Variants in ATXN1 observed in about 807,000 individuals in gnomAD.
ATXN1 encodes the protein ataxin-1.
Under a neutral mutation model 56.4 loss-of-function variants are expected in ATXN1, and 8 were observed. The observed-to-expected ratio is 0.14, with a 90% CI of 0.08 to 0.26. The LOEUF is 0.26. Ranked by LOEUF, ATXN1 falls within the 10% of genes least tolerant of loss-of-function variation. The pLI is 1.00. For missense variants in ATXN1, 987 were observed against 1,106.5 expected (o/e 0.89, Z 1.53); for synonymous variants, 514 against 494.6 (o/e 1.04, Z -0.52).
At chr6:16,477,895 C>T (rs1760357885) in intron 6 of ATXN1, among the ~76,000 whole-genome samples, 1 of 152,154 alleles carries the variant, frequency 6.6e-6, no homozygotes, top group African/African-American at 2.4e-5. Flanking sequence ...TGACGTTTTC[C>T]TCCTGGAGGC....
chr6:16,405,777 C>A (rs1758673670), intron 6 of ATXN1, among the ~76,000 whole-genome samples: 1 of 152,138 alleles, frequency 6.6e-6, no homozygotes, highest in East Asian at 1.9e-4. Flanking sequence ...TTTGTGCATA[C>A]CATGTGCGAA....
In ATXN1 at chr6:16,326,736, G is replaced by A. The variant is rs142882444; in HGVS notation, c.1575C>T (p.Thr525=). The A allele has an allele frequency of 5.0e-4, 807 of 1,613,524 alleles. 1 individual carries two copies. Among genetic ancestry groups the A allele is most frequent in the Non-Finnish European group, 6.3e-4 (749 of 1,179,988 alleles). The change falls in exon 7 of 8, where the codon ACC becomes ACT. Residue 525 remains threonine, a synonymous_variant. Coordinates refer to ENST00000436367, the MANE Select transcript of ATXN1 (RefSeq NM_001128164.2). The surrounding 1 kb of genome is among the most constrained non-coding windows in gnomAD (Gnocchi z 6.6). Reference sequence around the variant, plus strand: ...TGAAGTTCTCGCTCTTGGGAAGGGCGGTGGTGACGAACGTGTGAGGCACTG... The same window carrying A: ...TGAAGTTCTCGCTCTTGGGAAGGGCAGTGGTGACGAACGTGTGAGGCACTG... ...FAAVPHTFVT[T]ALPKSENFNP... is the part of the protein sequence containing the mutation.
Position 16,326,327 on chromosome 6 carries a change from T to C in ATXN1, c.1917+67A>G. 1 of 1,584,502 alleles carries C rather than the reference T, an allele frequency of 6.3e-7. No homozygotes were observed. On this transcript the variant is annotated intron_variant, in intron 7 of 7. Transcript: ENST00000436367. This position sits in a 1 kb window ranked among gnomAD's most constrained non-coding sequence, Gnocchi z 6.6. ...TCCTGCCTCATAGAAGCAATTCGTC[T>C]TGCCAGGAGATGATGATGGCATCAC...
intron 4 of ATXN1, among the ~76,000 whole-genome samples, chr6:16,553,373 T>C (rs566749796): frequency 6.6e-6 from 1 of 152,340 alleles, no homozygotes. Context: ...TTGACCCTCA[T>C]GGAAGTCCTG....
At chr6:16,421,916 G>A (rs1164576546) in intron 6 of ATXN1, among the ~76,000 whole-genome samples, 1 of 152,208 alleles carries the variant, frequency 6.6e-6, no homozygotes, top group African/African-American at 2.4e-5. Flanking sequence ...GCCACGACTG[G>A]CAGCCAAGAT....
In ATXN1 at chr6:16,592,177, C is replaced by G. The variant is rs758679441; in HGVS notation, c.-488-6270G>C. 4.6e-5 allele frequency among the ~76,000 whole-genome samples: 7 copies of G among 152,144 alleles called. No homozygotes were observed. The East Asian group carries it at 5.8e-4, about 13-fold the overall frequency. ...GACGACTCCCGGGAGAGCTCTGCCC[C>G]CCTCCCAGTACTGGCCAGCACTTCA... On this transcript the variant is annotated intron_variant, in intron 3 of 7. Coordinates refer to ENST00000436367, the MANE Select transcript of ATXN1 (RefSeq NM_001128164.2).
intron 2 of ATXN1, among the ~76,000 whole-genome samples, chr6:16,698,301 T>A (rs918136551): frequency 5.3e-5 from 8 of 152,226 alleles, no homozygotes; most frequent in African/African-American, 1.7e-4. Flanking sequence ...GAAGCTGAAA[T>A]GAATTTTCTT....
intron 6 of ATXN1, among the ~76,000 whole-genome samples, chr6:16,450,913 T>C (rs1348170896): frequency 6.6e-6 from 1 of 152,216 alleles, no homozygotes; most frequent in Non-Finnish European, 1.5e-5. Flanking sequence ...TGAACGCACC[T>C]GATCCATGAG....
chr6:16,306,677 G>A lies in ATXN1; in HGVS notation c.2100C>T (p.Pro700=). The change falls in exon 8 of 8, where the codon CCC becomes CCT. Residue 700 remains proline, a synonymous_variant. Coordinates refer to ENST00000436367, the MANE Select transcript of ATXN1 (RefSeq NM_001128164.2). This position sits in a 1 kb window ranked among gnomAD's most constrained non-coding sequence, Gnocchi z 5.2. Reference sequence around the variant, plus strand: ...TCAGCAGGACGCTGGCGGGATCCACGGGCTGGCCCTTTTTAACAGAGCCGT... The same window carrying A: ...TCAGCAGGACGCTGGCGGGATCCACAGGCTGGCCCTTTTTAACAGAGCCGT... ...LKNGSVKKGQ[P]VDPASVLLKH... is the part of the protein sequence containing the mutation. The A allele has an allele frequency of 6.2e-7, 1 of 1,614,196 alleles. No homozygotes were observed. Among genetic ancestry groups the A allele is most frequent in the Non-Finnish European group, 8.5e-7 (1 of 1,180,040 alleles).
intron 2 of ATXN1, among the ~76,000 whole-genome samples, chr6:16,745,734 G>A (rs967402800): frequency 1.3e-5 from 2 of 151,964 alleles, no homozygotes; most frequent in Non-Finnish European, 2.9e-5. Context: ...CTTCCCAAGA[G>A]CTACCTGCAG....
chr6:16,737,856 CAAA>C (rs375814947), intron 2 of ATXN1: 2 of 144,332 alleles, frequency 1.4e-5, no homozygotes, highest in Non-Finnish European at 3.1e-5. Context: ...ATTTACAAAA[CAAA>C]AAAAAAAGTA....
Position 16,327,104 on chromosome 6 carries a change from G to C in ATXN1, c.1207C>G (p.Arg403Gly), listed in dbSNP as rs116599639. Residue 403 changes from arginine to glycine, a missense_variant, in exon 7 of 8, where the codon CGT (arginine) becomes GGT (glycine). Arg to Gly is a moderately radical substitution (Grantham distance 125). This residue lies in a region of ATXN1 where 723 missense variants were observed against 791.7 expected (regional missense o/e 0.91). Transcript: ENST00000436367. ...TTGAGGGTAGAAGGGGAGGCTTCAC[G>C]ATGAGTGGCCTGTTGCACCTCCAGG... Reference protein sequence around the residue: ...ADLEVQQATHREASPSTLNDK... With the variant: ...ADLEVQQATHGEASPSTLNDK... 6.2e-7 allele frequency: 1 copy of C among 1,613,600 alleles called. No individual in the cohort carries two copies. Among genetic ancestry groups the C allele is most frequent in the Admixed American group, 1.7e-5 (1 of 60,028 alleles).
chr6:16,639,243 T>G (rs1003372046), intron 3 of ATXN1, among the ~76,000 whole-genome samples: 7 of 152,206 alleles, frequency 4.6e-5, no homozygotes, highest in African/African-American at 1.7e-4. Flanking sequence ...CTTTCGCTCC[T>G]CACAATAAAT....
At chr6:16,695,186 C>T (rs1759137484) in intron 2 of ATXN1, among the ~76,000 whole-genome samples, 1 of 152,124 alleles carries the variant, frequency 6.6e-6, no homozygotes, top group South Asian at 2.1e-4. Flanking sequence ...TGGGGTCCTG[C>T]CATCACATAC....
At chr6:16,340,529 C>T (rs1165714481) in intron 6 of ATXN1, among the ~76,000 whole-genome samples, 2 of 152,140 alleles carry the variant, frequency 1.3e-5, no homozygotes, top group Admixed American at 6.5e-5. Flanking sequence ...TAACTTGTAT[C>T]CTTTCCCTGT....
intron 2 of ATXN1, among the ~76,000 whole-genome samples, chr6:16,665,852 G>A (rs112650001): frequency 6.6e-6 from 1 of 151,394 alleles, no homozygotes; most frequent in African/African-American, 2.5e-5. Flanking sequence ...TTTTAATTTT[G>A]TTTTATTTTT....
rs1491239918 is a variant in ATXN1, at chr6:16,430,334, GGA to G, written c.-161+55636_-161+55637del. Among the ~76,000 whole-genome samples, 39 of 74,396 alleles carry G rather than the reference GGA, an allele frequency of 5.2e-4. 1 individual carries two copies. In the South Asian group the frequency reaches 0.015, roughly 29 times the overall value. 48.8% of individuals were successfully genotyped at this position (74,396 alleles called of 152,430 possible). ...GGCAGGAAAGAGGGAAGGAAGGATA[GGA>G]AAAAAAAAAAAAGAAAGGGAAAGAA... is the stretch of plus-strand genomic sequence containing the variant. On this transcript the variant is annotated intron_variant, in intron 6 of 7. Coordinates refer to ENST00000436367, the MANE Select transcript of ATXN1 (RefSeq NM_001128164.2).
At chr6:16,504,993 C>CTTTTTTTTTTTTTTTT (rs34197922) in intron 5 of ATXN1, among the ~76,000 whole-genome samples, 1 of 135,316 alleles carries the variant, frequency 7.4e-6, no homozygotes, top group African/African-American at 2.9e-5. Context: ...CTCCTGTTTC[C>CTTTTTTTTTTTTTTTT]TTTTTTTTTT....
chr6:16,610,314 G>T (rs1763081395), intron 3 of ATXN1, among the ~76,000 whole-genome samples: 1 of 151,556 alleles, frequency 6.6e-6, no homozygotes, highest in African/African-American at 2.4e-5. Context: ...AGAAAAAAAT[G>T]AAAACTGATA....
Sources: gnomAD v4.1 joint callset for allele counts (sites outside exome capture counted in the v4.1 genomes callset) on GRCh38, gnomAD v4.1.1 for gene constraint, gnomAD v4.1.1 regional missense constraint, Gnocchi (gnomAD v3.1) non-coding constraint, MANE v1.5 for transcripts, NCBI Gene and HGNC (gene_info 2026-07-23, HGNC 2026-07-21) for gene names.